The following TXNDC5 variants were observed in gnomAD, a reference collection of about 807,000 sequenced individuals.
The protein encoded by TXNDC5 is thioredoxin domain containing 5.
TXNDC5 carries 44 observed loss-of-function variants against 52.6 expected under a neutral mutation model. The observed-to-expected ratio is 0.84, with a 90% CI of 0.66 to 1.08. The LOEUF (loss-of-function observed/expected upper bound fraction) is 1.08. Among genes scored for constraint, TXNDC5 ranks in the 50% least tolerant of loss-of-function variants. TXNDC5 has a pLI of 0.00. For synonymous variants in TXNDC5, 241 were observed against 234.4 expected, an observed-to-expected ratio of 1.03 and a Z score of -0.26; for missense variants, 600 against 565.5, an observed-to-expected ratio of 1.06 and a Z score of -0.62.
chr6:7,887,852 C>T (rs896022660), intron 7 of TXNDC5, among the ~76,000 whole-genome samples: 5 of 152,218 alleles, frequency 3.3e-5, no homozygotes, highest in African/African-American at 7.2e-5. Context: ...GGCTGATTCT[C>T]GGGTTGTGCC....
chr6:7,883,512 C>G (rs1561804094), intron 9 of TXNDC5, among the ~76,000 whole-genome samples: 1 of 152,178 alleles, frequency 6.6e-6, no homozygotes, highest in African/African-American at 2.4e-5. Flanking sequence ...AACGACTTTA[C>G]CCTAAAGCAG....
intron 7 of TXNDC5, among the ~76,000 whole-genome samples, chr6:7,887,576 A>G (rs1760034441): frequency 6.6e-6 from 1 of 152,128 alleles, no homozygotes; most frequent in African/African-American, 2.4e-5. Flanking sequence ...CGGCTGCAGC[A>G]TGAGGGAACG....
chr6:7,887,646 C>T (rs1462611276), intron 7 of TXNDC5, among the ~76,000 whole-genome samples: 1 of 152,170 alleles, frequency 6.6e-6, no homozygotes, highest in Non-Finnish European at 1.5e-5. Context: ...GCATGCCGGT[C>T]ATTTTCCTAC....
At position 7,889,571 on chromosome 6, in the gene TXNDC5, G is replaced by GA; in HGVS notation, c.742_743insT (p.Thr248IlefsTer5). 6.2e-7 allele frequency: 1 copy of GA among 1,610,408 alleles called. No individual in the cohort carries two copies. The highest frequency in any genetic ancestry group is 1.1e-5 in the South Asian group (1 of 90,962). ...TCCGGAGCAGAGTTCATAGTGCTGT[G>GA]TACAATCAACCTGAGAATAAAAGCA... is the stretch of plus-strand genomic sequence containing the variant. On this transcript the variant is annotated frameshift_variant, in exon 6 of 10. Transcript: ENST00000379757. LOFTEE classifies it high-confidence loss of function.
intron 2 of TXNDC5, among the ~76,000 whole-genome samples, chr6:7,901,562 G>T (rs1021520849): frequency 1.3e-5 from 2 of 152,192 alleles, no homozygotes; most frequent in East Asian, 1.9e-4. Flanking sequence ...TTCTTCCTCG[G>T]TAAGTTCACA....
At chr6:7,894,868 G>A in intron 4 of TXNDC5, 7 of 985,426 alleles carry the variant, frequency 7.1e-6, no homozygotes, top group Non-Finnish European at 7.2e-6. Flanking sequence ...CAGCTAGTGT[G>A]CGGGTCACGT....
chr6:7,890,959 A>C (rs932673833), intron 5 of TXNDC5, among the ~76,000 whole-genome samples: 3 of 152,208 alleles, frequency 2.0e-5, no homozygotes, highest in Non-Finnish European at 4.4e-5. Flanking sequence ...ATTCAGTCCT[A>C]GACACGCAGC....
At chr6:7,890,718 A>C (rs1192707000) in intron 5 of TXNDC5, among the ~76,000 whole-genome samples, 2 of 152,242 alleles carry the variant, frequency 1.3e-5, no homozygotes, top group Admixed American at 1.3e-4. Context: ...TTTAACTGAC[A>C]ACAAAAGTGA....
intron 9 of TXNDC5, 117 bp from the exon 10 acceptor site, chr6:7,883,383 T>C: frequency 2.1e-6 from 3 of 1,450,582 alleles, no homozygotes; most frequent in Non-Finnish European, 1.9e-6. Context: ...CTGTGGCTAA[T>C]TTTTAAAGGT....
Position 7,910,652 on chromosome 6 carries a change from G to T in TXNDC5, c.125C>A (p.Ala42Glu). The change falls in exon 1 of 10, where the codon GCG (alanine) becomes GAG (glutamate). Residue 42 changes from alanine (A) to glutamate (E), a missense_variant. Transcript: ENST00000379757. ...GRWGARAQEA[A>E]AAAADGPPAA... ...GGGGGGCCCGTCCGCCGCCGCCGCC[G>T]CCGCCTCCTGGGCCCGGGCGCCCCA... 1 of 1,273,202 alleles carries T rather than the reference G, an allele frequency of 7.9e-7. No individual in the cohort carries two copies. The highest frequency in any genetic ancestry group is 1.0e-6 in the Non-Finnish European group (1 of 988,628). The allele number at this position is 1,273,202 out of a possible 1,614,324, so 78.9% of individuals were successfully genotyped here.
chr6:7,888,598 A>G, intron 7 of TXNDC5, 107 bp downstream of exon 7: 2 of 1,402,184 alleles, frequency 1.4e-6, no homozygotes, highest in South Asian at 2.8e-5. Flanking sequence ...TGTGTCCCCA[A>G]ACTGTCATTT....
chr6:7,899,102 G>A lies in TXNDC5; in HGVS notation c.519+474C>T, dbSNP rs552482679. On this transcript the variant is annotated intron_variant, in intron 3 of 9. Coordinates refer to ENST00000379757, the MANE Select transcript of TXNDC5 (RefSeq NM_030810.5). The stretch of plus-strand genomic sequence containing the variant: ...GAGGCTCCAGTGCTGGCTTGGATAG[G>A]AGATTCTAGGCTGGGCCCAGCCCTG... Among the ~76,000 whole-genome samples, 148 of 152,286 alleles carry A rather than the reference G, an allele frequency of 9.7e-4. 1 individual carries two copies. Among genetic ancestry groups the A allele is most frequent in the African/African-American group, 3.3e-3 (139 of 41,566 alleles).
rs1377103338 is a variant in TXNDC5, at chr6:7,910,597, C to G, written c.180G>C (p.Pro60=). The change falls in exon 1 of 10, where the codon CCG becomes CCC. Residue 60 remains proline (P), a synonymous_variant. Transcript: ENST00000379757. ...PAADGEDGQD[P]HSKHLYTADM... Reference sequence around the variant, plus strand: ...CGGCCGTGTACAGGTGCTTGCTGTGCGGGTCCTGTCCGTCCTCGCCGTCTG... The same window carrying G: ...CGGCCGTGTACAGGTGCTTGCTGTGGGGGTCCTGTCCGTCCTCGCCGTCTG... 1.5e-6 allele frequency: 2 copies of G among 1,332,584 alleles called. No individual in the cohort carries two copies. Among genetic ancestry groups the G allele is most frequent in the Admixed American group, 2.7e-5 (1 of 37,248 alleles). The allele number at this position is 1,332,584 out of a possible 1,614,324, so 82.5% of individuals were successfully genotyped here.
At chr6:7,906,734 G>C (rs1253886288) in intron 1 of TXNDC5, among the ~76,000 whole-genome samples, 1 of 151,686 alleles carries the variant, frequency 6.6e-6, no homozygotes, top group Non-Finnish European at 1.5e-5. Context: ...TCAACAAAGT[G>C]AGTTTATGTG....
chr6:7,899,529 G>A (rs1760488302), intron 3 of TXNDC5, 47 bp downstream of exon 3: 1 of 1,329,538 alleles, frequency 7.5e-7, no homozygotes, highest in Non-Finnish European at 1.0e-6. Flanking sequence ...TGTAGGCAGG[G>A]AGAGAGGGAG....
At chr6:7,891,936 T>G (rs948694748) in intron 4 of TXNDC5, among the ~76,000 whole-genome samples, 200 bp from the exon 5 acceptor site, 13 of 152,206 alleles carry the variant, frequency 8.5e-5, no homozygotes, top group African/African-American at 3.1e-4. Context: ...AAAACCAAAT[T>G]TGTCATCTTT....
chr6:7,894,469 T>C (rs1730506405), intron 4 of TXNDC5, among the ~76,000 whole-genome samples: 1 of 152,160 alleles, frequency 6.6e-6, no homozygotes. Context: ...TTATCATTAA[T>C]ACACAGGCAT....
rs762921773 is a variant in TXNDC5, at chr6:7,891,672, C to G, written c.681G>C (p.Trp227Cys). The G allele has an allele frequency of 6.2e-7, 1 of 1,614,014 alleles. No homozygotes were observed. The highest frequency in any genetic ancestry group is 1.7e-5 in the Admixed American group (1 of 60,010). ...CGHCKALAPT[W>C]EQLALGLEHS... Reference sequence around the variant, plus strand: ...GTTCAAGGCCCAGAGCCAGCTGCTCCCAGGTTGGAGCCAGGGCTTTGCAGT... The same window carrying G: ...GTTCAAGGCCCAGAGCCAGCTGCTCGCAGGTTGGAGCCAGGGCTTTGCAGT... The change falls in exon 5 of 10, where the codon TGG (tryptophan) becomes TGC (cysteine). Residue 227 changes from tryptophan (W) to cysteine (C), a missense_variant. By Grantham distance (215) the Trp-to-Cys change is radical. Transcript: ENST00000379757.
intron 3 of TXNDC5, among the ~76,000 whole-genome samples, chr6:7,896,430 A>T (rs1343269654): frequency 1.3e-5 from 2 of 152,190 alleles, no homozygotes; most frequent in Non-Finnish European, 2.9e-5. Context: ...TAATGGAATC[A>T]GTGTTCTGCT....
Sources: gnomAD v4.1 joint callset for allele counts (sites outside exome capture counted in the v4.1 genomes callset) on GRCh38, gnomAD v4.1.1 for gene constraint, MANE v1.5 for transcripts, NCBI Gene and HGNC (gene_info 2026-07-23, HGNC 2026-07-21) for gene names.